The following CAPN11 variants were observed in gnomAD, a reference collection of about 807,000 sequenced individuals.
CAPN11 encodes calpain 11, also known as calpain-11.
Under a neutral mutation model 105.3 loss-of-function variants are expected in CAPN11, and 108 were observed. The observed-to-expected ratio is 1.03, with a 90% CI of 0.88 to 1.20. The LOEUF is 1.20. Among genes scored for constraint, CAPN11 ranks in the 50% most tolerant of loss-of-function variants. The pLI is 0.00. For synonymous variants in CAPN11, 329 were observed against 344.5 expected, an observed-to-expected ratio of 0.96 and a Z score of 0.50; for missense variants, 883 against 924.8, an observed-to-expected ratio of 0.95 and a Z score of 0.59.
At chr6:44,181,500 A>ACG (rs879661405) in intron 19 of CAPN11, among the ~76,000 whole-genome samples, 180 bp downstream of exon 19, 7,897 of 140,460 alleles carry the variant, frequency 0.056, 1,656 homozygotes, top group Middle Eastern at 0.09. Context: ...CCACACACAC[A>ACG]CACACACACT....
intron 8 of CAPN11, 38 bp from the exon 9 acceptor site, chr6:44,176,215 C>CGGAGGAGAACGT: frequency 5.6e-6 from 9 of 1,607,480 alleles, no homozygotes; most frequent in Non-Finnish European, 6.8e-6. Context: ...TCTCCCTGAC[C>CGGAGGAGAACGT]CCATAACTCT....
chr6:44,160,302 A>G (rs1317555904), intron 1 of CAPN11, among the ~76,000 whole-genome samples: 3 of 152,184 alleles, frequency 2.0e-5, no homozygotes, highest in Admixed American at 2.0e-4. Context: ...TTTTTTTGTC[A>G]ATAAAATAAA....
At position 44,172,308 on chromosome 6, in the gene CAPN11, G is replaced by A. The variant is rs766230788; in HGVS notation, c.416G>A (p.Cys139Tyr). ...TDICQGILGD[C>Y]WLLAAIGSLT... ...GCCCTGCCTGTCTTTCCAGGGGACT[G>A]CTGGCTGCTGGCTGCCATCGGCTCC... Residue 139 changes from cysteine to tyrosine, a missense_variant, in exon 5 of 23, where the codon TGC becomes TAC. Cys to Tyr is a radical substitution (Grantham distance 194). Transcript: ENST00000398776. The A allele has an allele frequency of 3.2e-6, 5 of 1,551,614 alleles. No homozygotes were observed. Among genetic ancestry groups the A allele is most frequent in the Non-Finnish European group, 4.4e-6 (5 of 1,147,614 alleles).
chr6:44,184,191 CAG>C lies in CAPN11; in HGVS notation c.*262_*263del. 1 of 567,924 alleles carries C rather than the reference CAG, an allele frequency of 1.8e-6. No homozygotes were observed. Among genetic ancestry groups the C allele is most frequent in the Non-Finnish European group, 3.1e-6 (1 of 317,582 alleles). 35.2% of individuals were successfully genotyped at this position (567,924 alleles called of 1,614,324 possible). On this transcript the variant is annotated 3_prime_UTR_variant, in exon 23 of 23. Transcript: ENST00000398776. ...TGGCTTTCCCCCACCATCGCTCTCT[CAG>C]AGTATATTTTACTAAAGAGTAGTTG...
In CAPN11 at chr6:44,179,945, CAT is replaced by C; in HGVS notation, c.1429-3_1429-2del. 3 of 1,602,412 alleles carry C rather than the reference CAT, an allele frequency of 1.9e-6. No individual in the cohort carries two copies. Among genetic ancestry groups the C allele is most frequent in the Non-Finnish European group, 2.6e-6 (3 of 1,169,406 alleles). Reference sequence around the variant, plus strand: ...CAGTCCTGTACCCACTTCCAGGATGCATATAGTTTCAGAACATTCAGGATGTC... The same window carrying C: ...CAGTCCTGTACCCACTTCCAGGATGCATAGTTTCAGAACATTCAGGATGTC... On this transcript the variant is annotated splice_polypyrimidine_tract_variant and splice_region_variant and intron_variant, in intron 13 of 22. Transcript: ENST00000398776.
chr6:44,162,037 G>C (rs1768930069), intron 1 of CAPN11: 1 of 385,682 alleles, frequency 2.6e-6, no homozygotes, highest in African/African-American at 2.1e-5. Flanking sequence ...CTTACTAGAT[G>C]CCAGTAGCTC....
At chr6:44,179,651 G>T in intron 13 of CAPN11, 21 bp downstream of exon 13, 15 of 1,612,276 alleles carry the variant, frequency 9.3e-6, no homozygotes, top group Non-Finnish European at 1.3e-5. Flanking sequence ...TAAAGATGTG[G>T]GGCTTGTTCC....
chr6:44,184,373 T>C lies in CAPN11; in HGVS notation c.*441T>C. ...TGTTTTCCTCCCCATCTGTGGATAC[T>C]ATTCTAATAAATAGCACATGCCATT... On this transcript the variant is annotated 3_prime_UTR_variant, in exon 23 of 23. Coordinates refer to ENST00000398776, the MANE Select transcript of CAPN11 (RefSeq NM_007058.4). 1 of 200,502 alleles carries C rather than the reference T, an allele frequency of 5.0e-6. No individual in the cohort carries two copies. Among genetic ancestry groups the C allele is most frequent in the Non-Finnish European group, 1.0e-5 (1 of 96,916 alleles). The allele number at this position is 200,502 out of a possible 1,614,324, so 12.4% of individuals were successfully genotyped here.
At chr6:44,167,325 C>T (rs1315467724) in intron 2 of CAPN11, among the ~76,000 whole-genome samples, 1 of 151,504 alleles carries the variant, frequency 6.6e-6, no homozygotes, top group Non-Finnish European at 1.5e-5. Context: ...ATGGTGAAAC[C>T]CTATCTCTAC....
chr6:44,167,716 T>C (rs996538111), intron 2 of CAPN11, among the ~76,000 whole-genome samples: 5 of 151,808 alleles, frequency 3.3e-5, no homozygotes, highest in African/African-American at 1.2e-4. Flanking sequence ...CCAAGACCGG[T>C]CTGGGCAACA....
chr6:44,176,487 A>G (rs980579388), intron 9 of CAPN11, 94 bp from the exon 10 acceptor site: 1 of 1,342,656 alleles, frequency 7.4e-7, no homozygotes, highest in Middle Eastern at 1.8e-4. Flanking sequence ...GCACCCCAGC[A>G]GGCAGACATT....
At chr6:44,164,286 G>A (rs534780123) in intron 1 of CAPN11, among the ~76,000 whole-genome samples, 1 of 152,302 alleles carries the variant, frequency 6.6e-6, no homozygotes, top group African/African-American at 2.4e-5. Flanking sequence ...TCATGAGGGA[G>A]GTAAACAATA....
intron 1 of CAPN11, among the ~76,000 whole-genome samples, chr6:44,163,985 A>C (rs1427644724): frequency 6.6e-6 from 1 of 152,136 alleles, no homozygotes; most frequent in Non-Finnish European, 1.5e-5. Flanking sequence ...CCACAGGCAC[A>C]TGCTACCATG....
Position 44,177,250 on chromosome 6 carries a change from T to C in CAPN11, c.1246T>C (p.Trp416Arg), listed in dbSNP as rs1162101012. The C allele has an allele frequency of 6.3e-7, 1 of 1,587,098 alleles. No individual in the cohort carries two copies. Among genetic ancestry groups the C allele is most frequent in the Admixed American group, 1.8e-5 (1 of 54,448 alleles). Residue 416 changes from tryptophan (W) to arginine (R), a missense_variant, in exon 12 of 23, where the codon TGG becomes CGG. Trp to Arg is a moderately radical substitution (Grantham distance 101). Coordinates refer to ENST00000398776, the MANE Select transcript of CAPN11 (RefSeq NM_007058.4). ...ACCCACTTCCGCCACAGGCACGTTC[T>C]GGACCAACCCCCAGTTTAAGATCTC... ...GGCRNHPGTF[W>R]TNPQFKISLP...
Position 44,183,253 on chromosome 6 carries a change from C to G in CAPN11, c.2134+18C>G. ...CATGTTCAGTGAGTTAGGCATCTACCCACTCCCCAGCCTAGGCCAGGGGCC... is the reference window on the plus strand; with the variant it reads ...CATGTTCAGTGAGTTAGGCATCTACGCACTCCCCAGCCTAGGCCAGGGGCC... On this transcript the variant is annotated intron_variant, in intron 21 of 22. Coordinates refer to ENST00000398776, the MANE Select transcript of CAPN11 (RefSeq NM_007058.4). The G allele has an allele frequency of 6.6e-7, 1 of 1,515,108 alleles. No homozygotes were observed. Among genetic ancestry groups the G allele is most frequent in the African/African-American group, 1.4e-5 (1 of 73,142 alleles). 93.9% of individuals were successfully genotyped at this position (1,515,108 alleles called of 1,614,324 possible).
intron 19 of CAPN11, among the ~76,000 whole-genome samples, chr6:44,182,115 CCACACA>C (rs761219122): frequency 4.2e-4 from 4 of 9,420 alleles, no homozygotes; most frequent in Non-Finnish European, 8.3e-4. Context: ...CACAACCACA[CCACACA>C]CACACACACA....
intron 1 of CAPN11, chr6:44,161,973 T>C (rs1768910055): frequency 2.2e-6 from 1 of 449,346 alleles, no homozygotes; most frequent in Non-Finnish European, 4.5e-6. Flanking sequence ...AAATTCTTTA[T>C]TGTGGAGACT....
rs1261916280 is a variant in CAPN11, at chr6:44,171,239, C to A, written c.410-1063C>A. 2.0e-5 allele frequency among the ~76,000 whole-genome samples: 3 copies of A among 152,204 alleles called. No individual in the cohort carries two copies. The East Asian group carries it at 5.8e-4, about 29-fold the overall frequency. On this transcript the variant is annotated intron_variant, in intron 4 of 22. Transcript: ENST00000398776. ...CACCCTGCCCCTGGACCCCACCCAG[C>A]AAGGGCTGAGATGCCTAGGAGACAG... is the stretch of plus-strand genomic sequence containing the variant.
chr6:44,172,182 G>GC, intron 4 of CAPN11, 120 bp from the exon 5 acceptor site: 1 of 592,624 alleles, frequency 1.7e-6, no homozygotes, highest in South Asian at 2.3e-5. Context: ...GTGCCTCTCC[G>GC]CCGGGGGGGT....
Sources: gnomAD v4.1 joint callset for allele counts (sites outside exome capture counted in the v4.1 genomes callset) on GRCh38, gnomAD v4.1.1 for gene constraint, MANE v1.5 for transcripts, NCBI Gene and HGNC (gene_info 2026-07-23, HGNC 2026-07-21) for gene names.